The following TNR variants were observed in gnomAD, a reference collection of about 807,000 sequenced individuals.
TNR encodes tenascin R.
A neutral mutation model predicts 150.4 loss-of-function variants in TNR; 45 were observed. The observed-to-expected ratio is 0.30, with a 90% confidence interval of 0.24 to 0.38. The LOEUF (loss-of-function observed/expected upper bound fraction) is 0.38, where lower values mean the gene tolerates loss of function less well. Ranked by LOEUF, TNR falls within the 10% of genes least tolerant of loss-of-function variation. The probability of loss-of-function intolerance (pLI) is 1.00; values close to 1 mark genes in which losing one functional copy is unlikely to be tolerated. For synonymous variants in TNR, 687 were observed against 678.4 expected (o/e 1.01, Z -0.20); for missense variants, 1,544 against 1,759.1 (o/e 0.88, Z 2.19).
chr1:175,686,877 A>G (rs565756129), intron 1 of TNR, among the ~76,000 whole-genome samples: 7 of 152,134 alleles, frequency 4.6e-5, no homozygotes, highest in Non-Finnish European at 8.8e-5. Flanking sequence ...AATTTTCCTT[A>G]TCTAGCTCAC....
chr1:175,507,862 C>T (rs1659022370), intron 2 of TNR, among the ~76,000 whole-genome samples: 2 of 152,226 alleles, frequency 1.3e-5, no homozygotes. Context: ...TCTAGCACAT[C>T]AGTGATGCAA....
At chr1:175,337,256 G>A (rs756085722) in intron 19 of TNR, among the ~76,000 whole-genome samples, 2 of 152,286 alleles carry the variant, frequency 1.3e-5, no homozygotes, top group South Asian at 2.1e-4. Context: ...CAACAGACCC[G>A]CGACTGCCTT....
intron 20 of TNR, among the ~76,000 whole-genome samples, chr1:175,332,672 T>C (rs1489929770): frequency 6.6e-6 from 1 of 152,222 alleles, no homozygotes; most frequent in Non-Finnish European, 1.5e-5. Context: ...CTCACTGGGA[T>C]TGGGTTTCCT....
intron 1 of TNR, among the ~76,000 whole-genome samples, chr1:175,678,479 G>A (rs761820683): frequency 7.9e-5 from 12 of 152,152 alleles, no homozygotes; most frequent in East Asian, 5.8e-4. Flanking sequence ...CTGCCTTCTC[G>A]TCACCCCTCA....
intron 2 of TNR, among the ~76,000 whole-genome samples, chr1:175,475,798 CT>C (rs1657524039): frequency 6.6e-6 from 1 of 152,134 alleles, no homozygotes; most frequent in Non-Finnish European, 1.5e-5. Flanking sequence ...TCTTACCCAG[CT>C]TACTTATTGT....
intron 1 of TNR, among the ~76,000 whole-genome samples, chr1:175,731,993 C>T (rs879795420): frequency 1.3e-5 from 2 of 152,166 alleles, no homozygotes; most frequent in African/African-American, 2.4e-5. Context: ...CTGCTGACAC[C>T]CTGCTGTCAT....
At chr1:175,381,566 C>CT (rs1403881935) in intron 8 of TNR, among the ~76,000 whole-genome samples, 1 of 152,154 alleles carries the variant, frequency 6.6e-6, no homozygotes, top group Non-Finnish European at 1.5e-5. Flanking sequence ...AAATTGTTTG[C>CT]TCCCTCTGGC....
chr1:175,715,264 C>T (rs897437721), intron 1 of TNR, among the ~76,000 whole-genome samples: 1 of 152,172 alleles, frequency 6.6e-6, no homozygotes, highest in Admixed American at 6.5e-5. Context: ...CCTGTCAATA[C>T]TTATGTCACC....
At chr1:175,507,516 C>A (rs1192824714) in intron 2 of TNR, among the ~76,000 whole-genome samples, 1 of 152,118 alleles carries the variant, frequency 6.6e-6, no homozygotes, top group Non-Finnish European at 1.5e-5. Context: ...ATAGCCCTTG[C>A]TTTCTTGTCT....
chr1:175,505,568 A>T (rs986235989), intron 2 of TNR, among the ~76,000 whole-genome samples: 4 of 152,210 alleles, frequency 2.6e-5, no homozygotes, highest in Non-Finnish European at 4.4e-5. Flanking sequence ...CCCACGCCCG[A>T]ACCAGCACCA....
intron 2 of TNR, among the ~76,000 whole-genome samples, chr1:175,506,646 C>T (rs73046456): frequency 6.4e-4 from 97 of 152,366 alleles, no homozygotes; most frequent in African/African-American, 2.3e-3. Context: ...AGAGGAAACG[C>T]ATCCTGCCAA....
chr1:175,668,394 C>G (rs746596011), intron 1 of TNR, among the ~76,000 whole-genome samples: 1 of 152,106 alleles, frequency 6.6e-6, no homozygotes, highest in African/African-American at 2.4e-5. Flanking sequence ...CTGTTTCCTG[C>G]CAACTGCTGT....
At chr1:175,404,150 G>A (rs538535841) in intron 3 of TNR, among the ~76,000 whole-genome samples, 2 of 152,246 alleles carry the variant, frequency 1.3e-5, no homozygotes, top group South Asian at 4.2e-4. Context: ...CTCTCTCTGG[G>A]CAGCCCAAGA....
intron 2 of TNR, among the ~76,000 whole-genome samples, chr1:175,518,640 C>T (rs902525664): frequency 6.6e-6 from 1 of 152,186 alleles, no homozygotes; most frequent in Admixed American, 6.5e-5. Flanking sequence ...GTCCCTCTTG[C>T]TGCCATTAAG....
intron 18 of TNR, among the ~76,000 whole-genome samples, chr1:175,349,395 A>G (rs1571323538): frequency 6.6e-6 from 1 of 152,324 alleles, no homozygotes; most frequent in Non-Finnish European, 1.5e-5. Context: ...ACCATGCAGT[A>G]TTTTGCAACA....
chr1:175,635,748 C>T (rs1664473337), intron 1 of TNR, among the ~76,000 whole-genome samples: 3 of 152,118 alleles, frequency 2.0e-5, no homozygotes, highest in Admixed American at 2.0e-4. Flanking sequence ...CTCAATTAAA[C>T]AATAGCACAC....
intron 1 of TNR, among the ~76,000 whole-genome samples, chr1:175,652,689 C>G (rs1228266130): frequency 1.3e-5 from 2 of 152,154 alleles, no homozygotes; most frequent in South Asian, 4.1e-4. Flanking sequence ...GTGCCTGCTT[C>G]CCCTTTGCCT....
chr1:175,371,288 T>C (rs1006032459), intron 9 of TNR, among the ~76,000 whole-genome samples: 26 of 152,222 alleles, frequency 1.7e-4, no homozygotes, highest in African/African-American at 6.3e-4. Context: ...AAATCACTAC[T>C]CTCTGTTCCT....
intron 1 of TNR, among the ~76,000 whole-genome samples, chr1:175,610,992 G>C (rs542552076): frequency 6.6e-6 from 1 of 152,188 alleles, no homozygotes; most frequent in Non-Finnish European, 1.5e-5. Flanking sequence ...TGCCCTGTTG[G>C]CAGGGAAATC....
Sources: gnomAD v4.1 joint callset for allele counts (sites outside exome capture counted in the v4.1 genomes callset) on GRCh38, gnomAD v4.1.1 for gene constraint, MANE v1.5 for transcripts, NCBI Gene and HGNC (gene_info 2026-07-23, HGNC 2026-07-21) for gene names.